Variants in BPTF observed in about 807,000 individuals in gnomAD.
BPTF encodes nucleosome-remodeling factor subunit BPTF.
Under a neutral mutation model 292.5 loss-of-function variants are expected in BPTF, and 18 were observed. The ratio of observed to expected loss-of-function variants is 0.06; its 90% CI spans 0.04 to 0.09. The LOEUF is 0.09. Among genes scored for constraint, BPTF ranks in the 10% least tolerant of loss-of-function variants. The probability of loss-of-function intolerance (pLI) is 1.00; values close to 1 mark genes in which losing one functional copy is unlikely to be tolerated. For synonymous variants in BPTF, 1,225 were observed against 1,251.9 expected, an observed-to-expected ratio of 0.98 and a Z score of 0.45; for missense variants, 2,726 against 3,498.7, an observed-to-expected ratio of 0.78 and a Z score of 5.57.
At position 67,891,831 on chromosome 17, in the gene BPTF, A is replaced by G; in HGVS notation, c.1865-13A>G. 6.4e-7 allele frequency: 1 copy of G among 1,563,408 alleles called. No individual in the cohort carries two copies. The highest frequency in any genetic ancestry group is 1.2e-5 in the South Asian group (1 of 83,796). On this transcript the variant is annotated splice_polypyrimidine_tract_variant and intron_variant, in intron 4 of 27. Coordinates refer to ENST00000306378, the MANE Select transcript of BPTF (RefSeq NM_182641.4). Reference sequence around the variant, plus strand: ...ATTGTCAGCAATTGCTTTGTGGCCTATTCATTTGACAGTAGGTGATTTCAA... The same window carrying G: ...ATTGTCAGCAATTGCTTTGTGGCCTGTTCATTTGACAGTAGGTGATTTCAA...
chr17:67,894,600 T>A (rs2061327968), intron 7 of BPTF, among the ~76,000 whole-genome samples: 1 of 152,178 alleles, frequency 6.6e-6, no homozygotes, highest in Non-Finnish European at 1.5e-5. Flanking sequence ...AGTGCCGGGA[T>A]TACAGGTGTG....
intron 4 of BPTF, among the ~76,000 whole-genome samples, chr17:67,889,091 T>G (rs1481626846): frequency 6.6e-6 from 1 of 152,174 alleles, no homozygotes; most frequent in Non-Finnish European, 1.5e-5. Flanking sequence ...TTCTGCCTGC[T>G]GGTATCATTA....
chr17:67,864,827 CAGAGTCTCGCTCTGTCACCCAGGCT>C (rs901632037), intron 2 of BPTF, among the ~76,000 whole-genome samples: 2 of 151,884 alleles, frequency 1.3e-5, no homozygotes, highest in African/African-American at 4.8e-5. Flanking sequence ...ATTTTTGAGA[CAGAGTCTCGCTCTGTCACCCAGGCT>C]AGAGTGAACT....
intron 1 of BPTF, among the ~76,000 whole-genome samples, chr17:67,830,271 C>G (rs570930300): frequency 6.6e-6 from 1 of 152,214 alleles, no homozygotes; most frequent in Admixed American, 6.5e-5. Context: ...AGAATACTTA[C>G]CTGGAATTTT....
intron 26 of BPTF, chr17:67,974,318 G>C (rs2148581154): frequency 6.6e-6 from 1 of 151,946 alleles, no homozygotes; most frequent in African/African-American, 2.4e-5. Context: ...GTTTTCCTGT[G>C]CTCTCACGCT....
At chr17:67,851,291 A>G (rs1408512537) in intron 1 of BPTF, among the ~76,000 whole-genome samples, 1 of 143,126 alleles carries the variant, frequency 7.0e-6, no homozygotes, top group Non-Finnish European at 1.5e-5. Context: ...TTTTTTTTTT[A>G]ATAACCACCA....
chr17:67,969,296 AT>A (rs1485323007), intron 26 of BPTF, among the ~76,000 whole-genome samples: 1 of 150,924 alleles, frequency 6.6e-6, no homozygotes, highest in Non-Finnish European at 1.5e-5. Context: ...CAAAAAAAAA[AT>A]ACAAAAATTA....
intron 25 of BPTF, chr17:67,966,345 T>C (rs2068095975): frequency 4.4e-6 from 2 of 450,800 alleles, no homozygotes; most frequent in Non-Finnish European, 8.0e-6. Context: ...TCTAAGCTTG[T>C]GCTCCATTCC....
chr17:67,919,151 G>T (rs1274517579), intron 12 of BPTF, among the ~76,000 whole-genome samples: 2 of 148,414 alleles, frequency 1.3e-5, no homozygotes, highest in South Asian at 4.2e-4. Context: ...CAGCCAGTGC[G>T]ACAGAGTGAG....
intron 4 of BPTF, among the ~76,000 whole-genome samples, chr17:67,878,047 GCTACCACTACACC>G (rs2060153781): frequency 1.3e-5 from 2 of 152,126 alleles, no homozygotes; most frequent in African/African-American, 2.4e-5. Flanking sequence ...CCCCCTTTTA[GCTACCACTACACC>G]TAGCCCAACA....
intron 15 of BPTF, among the ~76,000 whole-genome samples, chr17:67,924,949 G>C (rs1479583751): frequency 6.6e-6 from 1 of 151,084 alleles, no homozygotes; most frequent in Non-Finnish European, 1.5e-5. Context: ...GGGCTTCGCC[G>C]TGTTCCCCAG....
chr17:67,882,193 C>G (rs949763843), intron 4 of BPTF, among the ~76,000 whole-genome samples: 2 of 152,068 alleles, frequency 1.3e-5, no homozygotes, highest in Non-Finnish European at 2.9e-5. Context: ...AGTACCTATC[C>G]TGACTTGGAA....
chr17:67,963,734 G>A (rs1156247152), intron 24 of BPTF, among the ~76,000 whole-genome samples: 1 of 152,104 alleles, frequency 6.6e-6, no homozygotes, highest in Non-Finnish European at 1.5e-5. Context: ...TGGTTTAATG[G>A]TAGATTTGAT....
intron 9 of BPTF, among the ~76,000 whole-genome samples, chr17:67,908,642 AC>A (rs1229543397): frequency 6.6e-6 from 1 of 151,066 alleles, no homozygotes; most frequent in Non-Finnish European, 1.5e-5. Context: ...GTTGCACGCC[AC>A]CATGCCTGGC....
chr17:67,893,818 A>G (rs974513652), intron 6 of BPTF, 93 bp downstream of exon 6: 75 of 1,242,354 alleles, frequency 6.0e-5, no homozygotes, highest in Admixed American at 9.4e-5. Flanking sequence ...GTCATTACCA[A>G]TGAGTTGAAT....
chr17:67,925,628 A>G (rs1275833176), intron 15 of BPTF, among the ~76,000 whole-genome samples: 1 of 152,222 alleles, frequency 6.6e-6, no homozygotes, highest in African/African-American at 2.4e-5. Flanking sequence ...GTTTTTACCA[A>G]CTTCAGTATA....
intron 7 of BPTF, among the ~76,000 whole-genome samples, chr17:67,897,989 AAAGAAT>A (rs200523890): frequency 0.017 from 2,602 of 152,280 alleles, 63 homozygotes; most frequent in African/African-American, 0.055. Context: ...GAGTAAATTT[AAAGAAT>A]AAGAAACCAT....
Position 67,959,586 on chromosome 17 carries a change from A to G in BPTF, c.7972A>G (p.Met2658Val). 1 of 1,543,958 alleles carries G rather than the reference A, an allele frequency of 6.5e-7. No homozygotes were observed. The highest frequency in any genetic ancestry group is 8.7e-7 in the Non-Finnish European group (1 of 1,152,346). Reference protein sequence around the residue: ...DLKIKKEKDLMQLAQATAVAA... With the variant: ...DLKIKKEKDLVQLAQATAVAA... The stretch of plus-strand genomic sequence containing the variant: ...GAAAATTAAGAAAGAAAAAGACCTG[A>G]TGCAGTTGGCTCAGGCCACAGCAGT... Residue 2658 changes from methionine (M) to valine (V), a missense_variant, in exon 24 of 28, where the codon ATG becomes GTG. Met to Val is a conservative substitution (Grantham distance 21). Transcript: ENST00000306378.
chr17:67,883,175 G>T (rs962058737), intron 4 of BPTF, among the ~76,000 whole-genome samples: 2 of 151,968 alleles, frequency 1.3e-5, no homozygotes, highest in East Asian at 3.9e-4. Context: ...AATTAGCCGG[G>T]CGTGATGATG....
Sources: gnomAD v4.1 joint callset for allele counts (sites outside exome capture counted in the v4.1 genomes callset) on GRCh38, gnomAD v4.1.1 for gene constraint, MANE v1.5 for transcripts, NCBI Gene and HGNC (gene_info 2026-07-23, HGNC 2026-07-21) for gene names.